The following COLGALT1 variants were observed in gnomAD, a reference collection of about 807,000 sequenced individuals.
COLGALT1 encodes the protein procollagen galactosyltransferase 1.
COLGALT1 carries 43 observed loss-of-function variants against 60.8 expected under a neutral mutation model. The observed-to-expected ratio is 0.71, with a 90% CI of 0.55 to 0.91. The LOEUF (loss-of-function observed/expected upper bound fraction) is 0.91. Ranked by LOEUF, COLGALT1 falls within the 40% of genes least tolerant of loss-of-function variation. COLGALT1 has a pLI of 0.00. For synonymous variants in COLGALT1, 369 were observed against 374.2 expected, an observed-to-expected ratio of 0.99 and a Z score of 0.16; for missense variants, 845 against 880.0, an observed-to-expected ratio of 0.96 and a Z score of 0.50.
chr19:17,572,430 C>A (rs1354873377), intron 5 of COLGALT1, 53 bp from the exon 6 acceptor site: 4 of 1,611,400 alleles, frequency 2.5e-6, no homozygotes, highest in Non-Finnish European at 3.4e-6. Flanking sequence ...AGGCATGAGC[C>A]ACTGGGCCTC....
At chr19:17,574,653 T>A (rs2076331025) in intron 6 of COLGALT1, among the ~76,000 whole-genome samples, 1 of 152,128 alleles carries the variant, frequency 6.6e-6, no homozygotes, top group South Asian at 2.1e-4. Context: ...TGAGTCTTTT[T>A]GAGGTGACAC....
rs1207296404 is a variant in COLGALT1, at chr19:17,568,528, C to T, written c.644C>T (p.Pro215Leu). Residue 215 changes from proline (P) to leucine (L), a missense_variant, in exon 5 of 12, where the codon CCT becomes CTT. Pro to Leu is a moderately conservative substitution (Grantham distance 98). Coordinates refer to ENST00000252599, the MANE Select transcript of COLGALT1 (RefSeq NM_024656.4). ...MTSQGYYKRT[P>L]AYIPIRKRDR... Reference sequence around the variant, plus strand: ...CCACAGGGCTACTACAAGCGCACACCTGCCTACATCCCTATCCGCAAGCGA... The same window carrying T: ...CCACAGGGCTACTACAAGCGCACACTTGCCTACATCCCTATCCGCAAGCGA... 6.2e-7 allele frequency: 1 copy of T among 1,614,058 alleles called. No homozygotes were observed. Among genetic ancestry groups the T allele is most frequent in the East Asian group, 2.2e-5 (1 of 44,892 alleles).
chr19:17,555,727 C>T lies in COLGALT1; in HGVS notation c.14C>T (p.Pro5Leu). MAAA[P>L]RAGRRRGQPL... ...ACGCGTGGCGCGATGGCGGCGGCCC[C>T]ACGCGCGGGCCGGCGGCGCGGGCAG... Residue 5 changes from proline (P) to leucine (L), a missense_variant, in exon 1 of 12, where the codon CCA becomes CTA. Pro to Leu is a moderately conservative substitution (Grantham distance 98). Transcript: ENST00000252599. The T allele has an allele frequency of 8.3e-7, 1 of 1,197,860 alleles. No homozygotes were observed. Among genetic ancestry groups the T allele is most frequent in the Non-Finnish European group, 1.0e-6 (1 of 966,948 alleles). 74.2% of individuals were successfully genotyped at this position (1,197,860 alleles called of 1,614,324 possible).
chr19:17,567,114 C>CA (rs1004955907), intron 3 of COLGALT1, among the ~76,000 whole-genome samples: 53 of 142,700 alleles, frequency 3.7e-4, no homozygotes, highest in Admixed American at 7.0e-4. Flanking sequence ...GACTCCGTCT[C>CA]AAAAAAAAAA....
At position 17,567,546 on chromosome 19, in the gene COLGALT1, G is replaced by A; in HGVS notation, c.624+6G>A. On this transcript the variant is annotated splice_donor_region_variant and intron_variant, in intron 4 of 11. Transcript: ENST00000252599. ...GGTGTGGAATGACTTCCCAGGTAGAGTGAGGGCCTGGGGACTGTGGGGACT... is the reference window on the plus strand; with the variant it reads ...GGTGTGGAATGACTTCCCAGGTAGAATGAGGGCCTGGGGACTGTGGGGACT... 1.2e-6 allele frequency: 2 copies of A among 1,611,446 alleles called. No homozygotes were observed. Among genetic ancestry groups the A allele is most frequent in the South Asian group, 1.1e-5 (1 of 90,586 alleles).
At chr19:17,564,776 T>C (rs546911374) in intron 3 of COLGALT1, among the ~76,000 whole-genome samples, 1 of 152,234 alleles carries the variant, frequency 6.6e-6, no homozygotes, top group South Asian at 2.1e-4. Context: ...TTCTTGTTTG[T>C]TTTAATTGAA....
chr19:17,561,270 G>A (rs1360065331), intron 3 of COLGALT1, among the ~76,000 whole-genome samples: 2 of 151,744 alleles, frequency 1.3e-5, no homozygotes, highest in Admixed American at 6.6e-5. Context: ...TTGTAGAGAC[G>A]GGGTCTTGCT....
intron 10 of COLGALT1, 184 bp from the exon 11 acceptor site, chr19:17,580,515 C>T: frequency 3.2e-6 from 2 of 624,344 alleles, no homozygotes; most frequent in Non-Finnish European, 5.6e-6. Context: ...AAAACTCACT[C>T]TTCTCCCCCA....
intron 3 of COLGALT1, among the ~76,000 whole-genome samples, chr19:17,565,663 C>G (rs1241985147): frequency 6.6e-6 from 1 of 152,070 alleles, no homozygotes; most frequent in African/African-American, 2.4e-5. Flanking sequence ...GAGCAAGACT[C>G]TGTCTCAAAA....
chr19:17,579,738 T>G (rs948615526), intron 10 of COLGALT1, 129 bp downstream of exon 10: 7 of 1,256,122 alleles, frequency 5.6e-6, no homozygotes, highest in African/African-American at 1.5e-5. Context: ...GGCTTGAAGG[T>G]GGGGTGGAAC....
chr19:17,579,338 C>T, intron 9 of COLGALT1, 144 bp from the exon 10 acceptor site: 11 of 1,118,256 alleles, frequency 9.8e-6, no homozygotes, highest in South Asian at 1.5e-5. Flanking sequence ...GTTTGGATGT[C>T]CAGATGTCCC....
chr19:17,564,486 G>A (rs913400362), intron 3 of COLGALT1, among the ~76,000 whole-genome samples: 3 of 144,812 alleles, frequency 2.1e-5, no homozygotes, highest in Non-Finnish European at 4.5e-5. Context: ...GCGCCATCTC[G>A]GCTCACTGCA....
chr19:17,564,360 T>C (rs1282370246), intron 3 of COLGALT1, among the ~76,000 whole-genome samples: 1 of 150,556 alleles, frequency 6.6e-6, no homozygotes, highest in East Asian at 1.9e-4. Flanking sequence ...CATATATACG[T>C]GTGTGTGTGT....
rs1186506394 is a variant in COLGALT1, at chr19:17,580,150, G to A, written c.1394+541G>A. 10 of 194,366 alleles carry A rather than the reference G, an allele frequency of 5.1e-5. No individual in the cohort carries two copies. The South Asian group carries it at 9.7e-4, about 19-fold the overall frequency. The allele number at this position is 194,366 out of a possible 1,614,324, so 12.0% of individuals were successfully genotyped here. ...AGCTGGAGGTGTGGCCGAAGAGTGTGGGGGCGTGGCCAGGGCGCCTGGTCT... is the reference window on the plus strand; with the variant it reads ...AGCTGGAGGTGTGGCCGAAGAGTGTAGGGGCGTGGCCAGGGCGCCTGGTCT... On this transcript the variant is annotated intron_variant, in intron 10 of 11. Transcript: ENST00000252599.
chr19:17,578,026 C>A lies in COLGALT1; in HGVS notation c.1203C>A (p.His401Gln). Residue 401 changes from histidine (H) to glutamine (Q), a missense_variant, in exon 9 of 12, where the codon CAC becomes CAA. Transcript: ENST00000252599. ...QMLPGYRDPY[H>Q]GRPLTKGELG... The stretch of plus-strand genomic sequence containing the variant: ...TGCCTGGCTACCGGGACCCCTACCA[C>A]GGCCGGCCCCTCACCAAGGGTGAGC... The A allele has an allele frequency of 1.2e-6, 2 of 1,611,276 alleles. No homozygotes were observed. Among genetic ancestry groups the A allele is most frequent in the Non-Finnish European group, 8.5e-7 (1 of 1,179,010 alleles).
chr19:17,555,697 A>C lies in COLGALT1; in HGVS notation c.-17A>C. The C allele has an allele frequency of 8.5e-7, 1 of 1,182,626 alleles. No individual in the cohort carries two copies. The highest frequency in any genetic ancestry group is 1.0e-6 in the Non-Finnish European group (1 of 957,166). 73.3% of individuals were successfully genotyped at this position (1,182,626 alleles called of 1,614,324 possible). A position where few individuals can be genotyped will look rare whatever the true frequency, so the allele number is the denominator to read the frequency against. ...GTCCTCCCGCAGAAAAACGACTTAAAGGAGACGCGTGGCGCGATGGCGGCG... is the reference window on the plus strand; with the variant it reads ...GTCCTCCCGCAGAAAAACGACTTAACGGAGACGCGTGGCGCGATGGCGGCG... On this transcript the variant is annotated 5_prime_UTR_variant, in exon 1 of 12. Coordinates refer to ENST00000252599, the MANE Select transcript of COLGALT1 (RefSeq NM_024656.4).
At chr19:17,578,460 C>T (rs551086516) in intron 9 of COLGALT1, among the ~76,000 whole-genome samples, 1 of 152,292 alleles carries the variant, frequency 6.6e-6, no homozygotes, top group Admixed American at 6.5e-5. Flanking sequence ...AGCACCTGCC[C>T]AGTGCTGCTG....
At chr19:17,557,537 T>C (rs1420154269) in intron 1 of COLGALT1, among the ~76,000 whole-genome samples, 2 of 152,080 alleles carry the variant, frequency 1.3e-5, no homozygotes, top group African/African-American at 4.8e-5. Flanking sequence ...CCTGACCTCA[T>C]GATCTGCCTG....
chr19:17,561,708 G>A lies in COLGALT1; in HGVS notation c.489+1243G>A, dbSNP rs906862928. ...TATTTTTTAATTTGTATAAACTTAT[G>A]GAGCACAAGTGTAATTCTGTTACAT... On this transcript the variant is annotated intron_variant, in intron 3 of 11. Transcript: ENST00000252599. Among the ~76,000 whole-genome samples, 15 of 150,116 alleles carry A rather than the reference G, an allele frequency of 1.0e-4. 1 individual carries two copies. The highest frequency in any genetic ancestry group is 1.8e-4 in the Non-Finnish European group (12 of 67,796).
Sources: gnomAD v4.1 joint callset for allele counts (sites outside exome capture counted in the v4.1 genomes callset) on GRCh38, gnomAD v4.1.1 for gene constraint, MANE v1.5 for transcripts, NCBI Gene and HGNC (gene_info 2026-07-23, HGNC 2026-07-21) for gene names.